KLHL1: variants seen among roughly 807,000 people sequenced by gnomAD.
KLHL1 encodes kelch-like protein 1.
KLHL1 carries 47 observed loss-of-function variants against 77.7 expected under a neutral mutation model. That is an observed-to-expected ratio of 0.60 (90% CI 0.48 to 0.77). The LOEUF (loss-of-function observed/expected upper bound fraction) is 0.77. KLHL1 is among the 30% of genes least tolerant of loss of function. The pLI, the probability that KLHL1 is intolerant of heterozygous loss-of-function variation, is 0.00. For synonymous variants in KLHL1, 360 were observed against 325.2 expected, an observed-to-expected ratio of 1.11 and a Z score of -1.15; for missense variants, 925 against 910.8, an observed-to-expected ratio of 1.02 and a Z score of -0.20.
chr13:69,857,083 G>A (rs756116045), intron 5 of KLHL1, among the ~76,000 whole-genome samples: 8 of 151,912 alleles, frequency 5.3e-5, no homozygotes, highest in African/African-American at 1.2e-4. Flanking sequence ...AAAACTCTCC[G>A]TTTTTTGTCT....
intron 6 of KLHL1, among the ~76,000 whole-genome samples, chr13:69,798,602 G>A (rs12429094): frequency 0.36 from 54,910 of 151,522 alleles, 10,188 homozygotes; most frequent in African/African-American, 0.43. Context: ...ATTTTAAACA[G>A]ATGTATTTTA....
At chr13:69,858,529 T>A (rs1023416255) in intron 5 of KLHL1, among the ~76,000 whole-genome samples, 1 of 152,238 alleles carries the variant, frequency 6.6e-6, no homozygotes, top group South Asian at 2.1e-4. Flanking sequence ...TAGAAGAGCA[T>A]ATTTAATTAG....
At chr13:69,836,832 C>T (rs1398400825) in intron 6 of KLHL1, among the ~76,000 whole-genome samples, 2 of 150,524 alleles carry the variant, frequency 1.3e-5, no homozygotes, top group African/African-American at 4.9e-5. Context: ...TTACTACTGA[C>T]CAAACAATGC....
At chr13:69,921,444 T>C (rs909168952) in intron 4 of KLHL1, among the ~76,000 whole-genome samples, 4 of 152,178 alleles carry the variant, frequency 2.6e-5, no homozygotes, top group Non-Finnish European at 5.9e-5. Context: ...AGTTGCTTAG[T>C]CTAATTAATC....
chr13:70,085,649 A>G (rs1391910886), intron 1 of KLHL1, among the ~76,000 whole-genome samples: 2 of 152,150 alleles, frequency 1.3e-5, no homozygotes. Context: ...AGATCACCTG[A>G]GGTCAGGAGT....
At chr13:70,051,105 A>T (rs1886618800) in intron 1 of KLHL1, among the ~76,000 whole-genome samples, 1 of 152,018 alleles carries the variant, frequency 6.6e-6, no homozygotes, top group African/African-American at 2.4e-5. Flanking sequence ...ACAAAAATAG[A>T]CGTGTGGGGT....
At chr13:70,067,442 A>T (rs911030314) in intron 1 of KLHL1, among the ~76,000 whole-genome samples, 1 of 152,146 alleles carries the variant, frequency 6.6e-6, no homozygotes, top group Non-Finnish European at 1.5e-5. Flanking sequence ...TCACACAGCC[A>T]CTAAGGGTTA....
chr13:69,742,103 T>C (rs1874012833), intron 7 of KLHL1, among the ~76,000 whole-genome samples: 1 of 152,138 alleles, frequency 6.6e-6, no homozygotes, highest in Admixed American at 6.6e-5. Context: ...AATAAAGTAT[T>C]TCTTGCCTGT....
chr13:69,757,285 G>T (rs1874792874), intron 7 of KLHL1, among the ~76,000 whole-genome samples: 1 of 152,008 alleles, frequency 6.6e-6, no homozygotes, highest in Admixed American at 6.6e-5. Flanking sequence ...TGTTAAAGAT[G>T]CAATTAACAA....
At chr13:69,843,158 T>C (rs1879332250) in intron 5 of KLHL1, among the ~76,000 whole-genome samples, 1 of 151,658 alleles carries the variant, frequency 6.6e-6, no homozygotes, top group African/African-American at 2.4e-5. Context: ...CTAACAAAAA[T>C]GTATTGTTCT....
chr13:69,791,987 T>C (rs1290699591), intron 7 of KLHL1, among the ~76,000 whole-genome samples: 1 of 152,108 alleles, frequency 6.6e-6, no homozygotes, highest in Non-Finnish European at 1.5e-5. Flanking sequence ...TTGCAGAGCG[T>C]CAGGAGAAAT....
chr13:69,912,522 C>T (rs1163883930), intron 4 of KLHL1, among the ~76,000 whole-genome samples: 1 of 152,186 alleles, frequency 6.6e-6, no homozygotes, highest in Non-Finnish European at 1.5e-5. Flanking sequence ...AATCATTTTA[C>T]AGCACTGAAT....
chr13:69,793,512 TAAATC>T (rs1020500326), intron 7 of KLHL1, among the ~76,000 whole-genome samples: 9 of 150,910 alleles, frequency 6.0e-5, no homozygotes, highest in East Asian at 1.9e-4. Context: ...TTTTTTTACA[TAAATC>T]AAAGGGAAAA....
At chr13:69,839,251 A>T in intron 5 of KLHL1, 89 bp from the exon 6 acceptor site, 1 of 882,358 alleles carries the variant, frequency 1.1e-6, no homozygotes, top group Non-Finnish European at 1.7e-6. Flanking sequence ...AATGTCTGTG[A>T]TATTATCCTT....
In KLHL1 at chr13:69,925,674, A is replaced by G. The variant is rs1483358703; in HGVS notation, c.1014+14366T>C. ...AAATGATTTTTGCCCTCTGAAAAAAATAAACTCTAACATTTGAAGTTTTAT... is the reference window on the plus strand; with the variant it reads ...AAATGATTTTTGCCCTCTGAAAAAAGTAAACTCTAACATTTGAAGTTTTAT... On this transcript the variant is annotated intron_variant, in intron 4 of 10. Coordinates refer to ENST00000377844, the MANE Select transcript of KLHL1 (RefSeq NM_020866.3). Among the ~76,000 whole-genome samples, 7 of 38,112 alleles carry G rather than the reference A, an allele frequency of 1.8e-4. No homozygotes were observed. The East Asian group carries it at 2.0e-3, about 11-fold the overall frequency. The allele number at this position is 38,112 out of a possible 152,430, so 25.0% of individuals were successfully genotyped here.
intron 7 of KLHL1, among the ~76,000 whole-genome samples, chr13:69,747,571 C>T (rs1387636934): frequency 4.6e-5 from 7 of 151,740 alleles, no homozygotes; most frequent in Admixed American, 4.6e-4. Flanking sequence ...CATACTCAAG[C>T]CTCAGGGACA....
chr13:69,976,314 A>G (rs985707885), intron 1 of KLHL1, among the ~76,000 whole-genome samples: 13 of 152,058 alleles, frequency 8.5e-5, no homozygotes, highest in African/African-American at 3.1e-4. Context: ...TTTGTAAGTA[A>G]ATTATTGACT....
At chr13:70,080,161 A>G (rs1017058722) in intron 1 of KLHL1, among the ~76,000 whole-genome samples, 4 of 152,146 alleles carry the variant, frequency 2.6e-5, no homozygotes, top group Non-Finnish European at 4.4e-5. Context: ...GTTGGCATGA[A>G]TCTCAGTCTG....
At chr13:69,849,607 C>T (rs1299365327) in intron 5 of KLHL1, among the ~76,000 whole-genome samples, 1 of 151,312 alleles carries the variant, frequency 6.6e-6, no homozygotes, top group African/African-American at 2.4e-5. Flanking sequence ...AGATTTACTT[C>T]ATCACTCAGG....
Sources: allele counts gnomAD v4.1 joint callset (sites outside exome capture counted in the v4.1 genomes callset), GRCh38; gene constraint gnomAD v4.1.1; transcripts MANE v1.5; gene names NCBI Gene and HGNC (gene_info 2026-07-23, HGNC 2026-07-21).